The following ATOSA variants were observed in gnomAD, a reference collection of about 807,000 sequenced individuals.
ATOSA encodes the protein atos homolog A, also known as atos homolog protein A.
At chr15:52,643,675 A>AGAGGCC in the ATOSA span, among the ~76,000 whole-genome samples, 1 of 151,422 alleles carries the variant, frequency 6.6e-6, no homozygotes, top group Admixed American at 6.6e-5. Context: ...CAACACTTTG[A>AGAGGCC]GAGGCCGAGG....
At chr15:52,666,146 C>T in the ATOSA span, among the ~76,000 whole-genome samples, 1 of 152,108 alleles carries the variant, frequency 6.6e-6, no homozygotes, top group Non-Finnish European at 1.5e-5. Context: ...TTGACAGACT[C>T]ATATTACTAG....
the ATOSA span, among the ~76,000 whole-genome samples, chr15:52,643,028 C>T: frequency 6.6e-6 from 1 of 152,058 alleles, no homozygotes; most frequent in Non-Finnish European, 1.5e-5. Context: ...ATCACACCTG[C>T]CAAACTCATT....
the ATOSA span, among the ~76,000 whole-genome samples, chr15:52,684,691 A>T: frequency 1.3e-5 from 2 of 152,240 alleles, no homozygotes; most frequent in Admixed American, 1.3e-4. Context: ...ATTTTAGGAA[A>T]TCTAAATACA....
chr15:52,681,131 T>A, the ATOSA span, among the ~76,000 whole-genome samples: 1 of 152,240 alleles, frequency 6.6e-6, no homozygotes, highest in Non-Finnish European at 1.5e-5. Context: ...TAACAGCACT[T>A]GGGTAAATGA....
chr15:52,680,120 T>A, the ATOSA span, among the ~76,000 whole-genome samples: 2 of 151,966 alleles, frequency 1.3e-5, no homozygotes, highest in Non-Finnish European at 2.9e-5. Context: ...TTTGACAGCA[T>A]GTTATTGTTG....
At chr15:52,642,143 T>G in the ATOSA span, among the ~76,000 whole-genome samples, 1 of 152,222 alleles carries the variant, frequency 6.6e-6, no homozygotes, top group South Asian at 2.1e-4. Flanking sequence ...GTATTTAAGT[T>G]GGATCTTTCC....
the ATOSA span, chr15:52,605,208 A>G: frequency 6.2e-7 from 1 of 1,611,308 alleles, no homozygotes; most frequent in Non-Finnish European, 8.5e-7. Context: ...AATGAAAATT[A>G]TGTTTTCGCC....
At chr15:52,670,560 C>A in the ATOSA span, among the ~76,000 whole-genome samples, 1 of 152,246 alleles carries the variant, frequency 6.6e-6, no homozygotes, top group South Asian at 2.1e-4. Flanking sequence ...TAAAATATGA[C>A]CATCATTTCA....
chr15:52,618,344 T>C, the ATOSA span, among the ~76,000 whole-genome samples: 1 of 152,112 alleles, frequency 6.6e-6, no homozygotes, highest in Non-Finnish European at 1.5e-5. Flanking sequence ...TGGCCCAATT[T>C]TTCTTCACTC....
the ATOSA span, among the ~76,000 whole-genome samples, chr15:52,683,229 A>C: frequency 6.6e-6 from 1 of 152,222 alleles, no homozygotes; most frequent in East Asian, 1.9e-4. Flanking sequence ...TTTGATCCAA[A>C]GAGGGTGATA....
the ATOSA span, among the ~76,000 whole-genome samples, chr15:52,675,986 A>G: frequency 6.6e-6 from 1 of 152,184 alleles, no homozygotes. Context: ...CTCAGAGACT[A>G]AAAGCAGGAA....
the ATOSA span, among the ~76,000 whole-genome samples, chr15:52,649,077 T>A: frequency 6.6e-6 from 1 of 152,200 alleles, no homozygotes; most frequent in African/African-American, 2.4e-5. Flanking sequence ...GAATTTTTGA[T>A]ACTATAACAT....
chr15:52,694,070 TG>T, the ATOSA span, among the ~76,000 whole-genome samples: 1 of 152,146 alleles, frequency 6.6e-6, no homozygotes, highest in Admixed American at 6.6e-5. Context: ...AATAGAATTT[TG>T]TAACTTTTCA....
the ATOSA span, among the ~76,000 whole-genome samples, chr15:52,583,006 A>T: frequency 2.0e-5 from 3 of 152,186 alleles, no homozygotes; most frequent in Admixed American, 2.0e-4. Context: ...GCATAGCATA[A>T]ATACTCTCTG....
the ATOSA span, chr15:52,648,518 T>G: frequency 2.0e-5 from 3 of 152,130 alleles, no homozygotes; most frequent in Admixed American, 6.5e-5. Context: ...ATACAATAAT[T>G]ATTAACTATA....
the ATOSA span, among the ~76,000 whole-genome samples, chr15:52,594,555 AATGTGAAAC>A: frequency 1.3e-5 from 2 of 152,224 alleles, no homozygotes; most frequent in African/African-American, 4.8e-5. Flanking sequence ...GTGTAGTCTA[AATGTGAAAC>A]AGTGACATAT....
At chr15:52,608,852 T>C in the ATOSA span, 4 of 1,609,244 alleles carry the variant, frequency 2.5e-6, no homozygotes, top group Non-Finnish European at 3.4e-6. Context: ...TCCAACACAG[T>C]AACTTTTATT....
chr15:52,673,277 C>T, the ATOSA span, among the ~76,000 whole-genome samples: 1 of 152,202 alleles, frequency 6.6e-6, no homozygotes, highest in African/African-American at 2.4e-5. Context: ...ACAATACTTA[C>T]CAAATACCTG....
At chr15:52,691,177 G>A in the ATOSA span, among the ~76,000 whole-genome samples, 2 of 152,140 alleles carry the variant, frequency 1.3e-5, no homozygotes, top group African/African-American at 2.4e-5. Context: ...TTTTAGTGGA[G>A]CATTAAGAGA....
Sources: gnomAD v4.1 joint callset for allele counts (sites outside exome capture counted in the v4.1 genomes callset) on GRCh38, gnomAD v4.1.1 for gene constraint, MANE v1.5 for transcripts, NCBI Gene and HGNC (gene_info 2026-07-23, HGNC 2026-07-21) for gene names.